COBL: variants seen among roughly 807,000 people sequenced by gnomAD.
COBL encodes cordon-bleu WH2 repeat protein.
Under a neutral mutation model 98.8 loss-of-function variants are expected in COBL, and 51 were observed. That is an observed-to-expected ratio of 0.52 (90% CI 0.41 to 0.65). COBL has a LOEUF of 0.65. COBL is among the 30% of genes least tolerant of loss of function. COBL has a pLI of 0.00. For synonymous variants in COBL, 634 were observed against 651.7 expected, an observed-to-expected ratio of 0.97 and a Z score of 0.41; for missense variants, 1,617 against 1,617.5, an observed-to-expected ratio of 1.00 and a Z score of 0.01.
chr7:51,205,420 C>A (rs987175836), intron 2 of COBL, among the ~76,000 whole-genome samples: 10 of 151,876 alleles, frequency 6.6e-5, no homozygotes, highest in Admixed American at 6.6e-5. Context: ...GGGGAAAGTA[C>A]CATCTCTTCA....
intron 6 of COBL, among the ~76,000 whole-genome samples, chr7:51,118,086 C>T (rs762067019): frequency 1.5e-4 from 23 of 152,166 alleles, no homozygotes; most frequent in African/African-American, 4.1e-4. Context: ...TTCCAGAGGG[C>T]GGTGGCTGTC....
chr7:51,194,654 T>C (rs1323354013), intron 2 of COBL, among the ~76,000 whole-genome samples: 1 of 152,248 alleles, frequency 6.6e-6, no homozygotes, highest in Non-Finnish European at 1.5e-5. Context: ...TGATAGCCCT[T>C]CTGACTGGTG....
At chr7:51,263,249 A>G (rs2129151274) in intron 1 of COBL, among the ~76,000 whole-genome samples, 1 of 152,172 alleles carries the variant, frequency 6.6e-6, no homozygotes, top group Admixed American at 6.6e-5. Flanking sequence ...CTCCAGCCCT[A>G]GGCTCCTATG....
At chr7:51,238,170 T>C (rs994961086) in intron 1 of COBL, among the ~76,000 whole-genome samples, 1 of 152,228 alleles carries the variant, frequency 6.6e-6, no homozygotes, top group Non-Finnish European at 1.5e-5. Context: ...GGCCTTCCAC[T>C]GTACTGGTTT....
intron 7 of COBL, among the ~76,000 whole-genome samples, chr7:51,058,431 T>C (rs1163856546): frequency 1.3e-5 from 2 of 152,104 alleles, no homozygotes; most frequent in East Asian, 1.9e-4. Flanking sequence ...AGCGTTCTTG[T>C]AGTCCTAGCT....
intron 5 of COBL, among the ~76,000 whole-genome samples, chr7:51,159,136 G>T (rs1336480983): frequency 6.6e-6 from 1 of 152,136 alleles, no homozygotes; most frequent in Non-Finnish European, 1.5e-5. Context: ...CCCCGGCCGC[G>T]CGCACCTGGC....
chr7:51,095,771 C>CA (rs1241162451), intron 6 of COBL, among the ~76,000 whole-genome samples: 1 of 152,032 alleles, frequency 6.6e-6, no homozygotes, highest in African/African-American at 2.4e-5. Flanking sequence ...GACTTCAAGT[C>CA]AAAAACTGTC....
chr7:51,214,698 ATC>A (rs1417437729), intron 2 of COBL, among the ~76,000 whole-genome samples: 3 of 152,212 alleles, frequency 2.0e-5, no homozygotes, highest in Non-Finnish European at 4.4e-5. Context: ...CCTTAAAATC[ATC>A]TGTTAGTGTT....
chr7:51,148,594 C>T (rs1785258146), intron 5 of COBL, among the ~76,000 whole-genome samples: 1 of 152,194 alleles, frequency 6.6e-6, no homozygotes, highest in African/African-American at 2.4e-5. Flanking sequence ...GACTTACTCC[C>T]AAATTTTCTT....
intron 1 of COBL, among the ~76,000 whole-genome samples, chr7:51,296,059 A>C (rs1563138765): frequency 6.6e-6 from 1 of 152,184 alleles, no homozygotes; most frequent in Non-Finnish European, 1.5e-5. Flanking sequence ...TACAAGTAGA[A>C]CTAACTGCTC....
chr7:51,028,492 C>T lies in COBL; in HGVS notation c.2604G>A (p.Val868=). Residue 868 remains valine (V), a synonymous_variant, in exon 10 of 13, where the codon GTG becomes GTA. Transcript: ENST00000265136. The stretch of plus-strand genomic sequence containing the variant: ...CTATGCGCTTGGCAATGGCAGAGGC[C>T]ACATACTGGCTGGACGTTCTTCTCT... ...KPQRRTSSQY[V]ASAIAKRIGA... 6.2e-7 allele frequency: 1 copy of T among 1,614,258 alleles called. No individual in the cohort carries two copies. The highest frequency in any genetic ancestry group is 1.6e-4 in the Middle Eastern group (1 of 6,062).
chr7:51,101,189 C>T (rs73695301), intron 6 of COBL, among the ~76,000 whole-genome samples: 1 of 152,200 alleles, frequency 6.6e-6, no homozygotes, highest in Admixed American at 6.5e-5. Flanking sequence ...ATTAAGATAA[C>T]ATGCTTGAAA....
At chr7:51,051,352 T>A (rs1159099799) in intron 7 of COBL, among the ~76,000 whole-genome samples, 1 of 152,260 alleles carries the variant, frequency 6.6e-6, no homozygotes, top group Non-Finnish European at 1.5e-5. Flanking sequence ...AATGTGCACA[T>A]TTCTAAAGAT....
chr7:51,106,067 G>A (rs969235473), intron 6 of COBL, among the ~76,000 whole-genome samples: 5 of 151,132 alleles, frequency 3.3e-5, no homozygotes, highest in African/African-American at 4.9e-5. Context: ...TGTCGGGGGT[G>A]GTGGCACGCA....
chr7:51,065,285 G>A, intron 7 of COBL: 1 of 703,410 alleles, frequency 1.4e-6, no homozygotes, highest in Non-Finnish European at 2.6e-6. Flanking sequence ...AGCAGTGACT[G>A]GGGAAATGGG....
chr7:51,123,123 G>A lies in COBL; in HGVS notation c.957+13035C>T, dbSNP rs142986123. Among the ~76,000 whole-genome samples, 890 of 152,304 alleles carry A rather than the reference G, an allele frequency of 5.8e-3. 9 individuals carry two copies. Among genetic ancestry groups the A allele is most frequent in the African/African-American group, 0.02 (821 of 41,564 alleles). ...TTTAAAGTCTCATAACATACTGTAT[G>A]AGCAGACAGACAGATTTTTGGAAGT... On this transcript the variant is annotated intron_variant, in intron 6 of 12. Transcript: ENST00000265136.
intron 1 of COBL, among the ~76,000 whole-genome samples, chr7:51,229,266 C>T (rs1361455766): frequency 1.3e-5 from 2 of 152,206 alleles, no homozygotes; most frequent in Admixed American, 6.5e-5. Context: ...AGCTTTTCCC[C>T]GAGCAAGCCC....
intron 5 of COBL, among the ~76,000 whole-genome samples, chr7:51,183,217 T>C (rs1789157434): frequency 6.6e-6 from 1 of 152,186 alleles, no homozygotes; most frequent in Non-Finnish European, 1.5e-5. Context: ...CACACAAACT[T>C]GAGTCCCCAG....
At chr7:51,277,770 G>A (rs1414844631) in intron 1 of COBL, among the ~76,000 whole-genome samples, 1 of 152,188 alleles carries the variant, frequency 6.6e-6, no homozygotes, top group African/African-American at 2.4e-5. Context: ...CAGCACGGCA[G>A]GGCATTGTGA....
Sources: allele counts gnomAD v4.1 joint callset (sites outside exome capture counted in the v4.1 genomes callset), GRCh38; gene constraint gnomAD v4.1.1; transcripts MANE v1.5; gene names NCBI Gene and HGNC (gene_info 2026-07-23, HGNC 2026-07-21).